The following MICAL2 variants were observed in gnomAD, a reference collection of about 807,000 sequenced individuals.
MICAL2 encodes the protein [F-actin]-monooxygenase MICAL2.
In MICAL2, 77 loss-of-function variants were observed where a neutral mutation model predicts 127.3. That is an observed-to-expected ratio of 0.60 (90% confidence interval 0.50 to 0.73). The LOEUF is 0.73. MICAL2 is among the 30% of genes least tolerant of loss of function. MICAL2 has a pLI of 0.00. For missense variants in MICAL2, 1,351 were observed against 1,434.4 expected, an observed-to-expected ratio of 0.94 and a Z score of 0.94; for synonymous variants, 570 against 551.1, an observed-to-expected ratio of 1.03 and a Z score of -0.48.
At chr11:12,352,171 T>C (rs999466962) in intron 33 of MICAL2, among the ~76,000 whole-genome samples, 5 of 152,250 alleles carry the variant, frequency 3.3e-5, no homozygotes, top group Admixed American at 3.3e-4. Flanking sequence ...TACAAAGCCC[T>C]TTTTATATAG....
downstream of MICAL2, among the ~76,000 whole-genome samples, chr11:12,295,341 C>T (rs1343779257): frequency 6.6e-6 from 1 of 150,860 alleles, no homozygotes. Context: ...GGTTTTACCA[C>T]ATTGGCCAGG....
At chr11:12,163,259 C>T (rs1054750781) in intron 3 of MICAL2, among the ~76,000 whole-genome samples, 4 of 152,212 alleles carry the variant, frequency 2.6e-5, no homozygotes, top group African/African-American at 9.6e-5. Flanking sequence ...GGCGTCTCAG[C>T]TGACTTCCCT....
intron 26 of MICAL2, 128 bp downstream of exon 26, chr11:12,260,025 C>T: frequency 6.5e-7 from 1 of 1,547,574 alleles, no homozygotes; most frequent in East Asian, 2.4e-5. Flanking sequence ...CTTACAACTA[C>T]TGCTACATGT....
chr11:12,126,201 C>T (rs112176999), intron 1 of MICAL2, among the ~76,000 whole-genome samples: 58 of 152,328 alleles, frequency 3.8e-4, no homozygotes, highest in African/African-American at 1.4e-3. Flanking sequence ...GTGCTCAAAG[C>T]GTGCACCTGA....
chr11:12,201,429 A>T (rs1263692760), intron 3 of MICAL2, among the ~76,000 whole-genome samples: 1 of 150,972 alleles, frequency 6.6e-6, no homozygotes, highest in African/African-American at 2.4e-5. Flanking sequence ...GTTTGATCTC[A>T]AGCAGAAGGG....
chr11:12,261,907 A>G, intron 26 of MICAL2: 1 of 986,160 alleles, frequency 1.0e-6, no homozygotes, highest in Non-Finnish European at 1.2e-6. Flanking sequence ...TAGAAAGTAA[A>G]TTTTTGAGGT....
At chr11:12,311,056 G>T (rs527300734) in intron 29 of MICAL2, among the ~76,000 whole-genome samples, 1 of 152,016 alleles carries the variant, frequency 6.6e-6, no homozygotes, top group South Asian at 2.1e-4. Context: ...AATTTACTAA[G>T]TTTATCAGTT....
chr11:12,304,220 T>A (rs1218336261), intron 29 of MICAL2, among the ~76,000 whole-genome samples: 1 of 152,236 alleles, frequency 6.6e-6, no homozygotes, highest in African/African-American at 2.4e-5. Flanking sequence ...TTATTTTTCC[T>A]TTCACAGTCA....
chr11:12,226,425 C>T, intron 14 of MICAL2, 55 bp downstream of exon 14: 1 of 1,560,324 alleles, frequency 6.4e-7, no homozygotes, highest in South Asian at 1.1e-5. Flanking sequence ...CTGTCCCTGT[C>T]TCTGAGTCTG....
At chr11:12,217,551 G>A (rs372976253) in intron 8 of MICAL2, among the ~76,000 whole-genome samples, 9 of 152,236 alleles carry the variant, frequency 5.9e-5, no homozygotes, top group South Asian at 2.1e-4. Flanking sequence ...TGAAGTTGCC[G>A]CCTTAGTCTG....
intron 32 of MICAL2, among the ~76,000 whole-genome samples, chr11:12,344,610 C>T (rs1329847552): frequency 6.7e-6 from 1 of 149,532 alleles, no homozygotes; most frequent in Non-Finnish European, 1.5e-5. Context: ...AAGCGATTCT[C>T]CTGTCTCAGC....
At position 12,358,169 on chromosome 11, in the gene MICAL2, A is replaced by G. The variant is rs540036798; in HGVS notation, c.5690-126A>G. On this transcript the variant is annotated intron_variant, in intron 34 of 34. Transcript: ENST00000646065. ...AGGGCGGTTCCTTGGTGTTAAATTC[A>G]TTTCCTTGTTTTCTCCATTAAAATT... 6.3e-5 allele frequency: 60 copies of G among 947,206 alleles called. No individual in the cohort carries two copies. In the African/African-American group the frequency reaches 8.4e-4, roughly 13 times the overall value. 58.7% of individuals were successfully genotyped at this position (947,206 alleles called of 1,614,324 possible).
chr11:12,264,586 T>C (rs1433992865), downstream of MICAL2, among the ~76,000 whole-genome samples: 1 of 152,116 alleles, frequency 6.6e-6, no homozygotes, highest in Non-Finnish European at 1.5e-5. Flanking sequence ...CTGACAGTGG[T>C]ATGAAAAGTC....
intron 6 of MICAL2, among the ~76,000 whole-genome samples, chr11:12,211,584 C>T (rs1203042551): frequency 1.3e-5 from 2 of 152,264 alleles, no homozygotes; most frequent in African/African-American, 2.4e-5. Flanking sequence ...CACAGCATGC[C>T]TGGGGGCAGG....
At chr11:12,353,237 CA>C (rs1939080569) in intron 33 of MICAL2, among the ~76,000 whole-genome samples, 1 of 152,144 alleles carries the variant, frequency 6.6e-6, no homozygotes. Context: ...GAGGAGGCCC[CA>C]CCAGGTCAAA....
chr11:12,349,400 G>A (rs953096669), intron 32 of MICAL2, among the ~76,000 whole-genome samples: 23 of 152,160 alleles, frequency 1.5e-4, no homozygotes, highest in African/African-American at 4.8e-4. Context: ...CCCCATGGAA[G>A]GAGCCACACA....
intron 21 of MICAL2, among the ~76,000 whole-genome samples, chr11:12,247,140 C>A (rs955182259): frequency 1.3e-5 from 2 of 152,082 alleles, no homozygotes; most frequent in African/African-American, 4.8e-5. Flanking sequence ...CAGGCCAGTG[C>A]TCTCCTGTGT....
At chr11:12,131,667 C>G (rs1262016139) in intron 1 of MICAL2, among the ~76,000 whole-genome samples, 1 of 152,198 alleles carries the variant, frequency 6.6e-6, no homozygotes, top group Non-Finnish European at 1.5e-5. Flanking sequence ...CTCACCCTCT[C>G]TGCTTCCTGA....
chr11:12,219,914 C>T (rs1409962099), intron 8 of MICAL2, among the ~76,000 whole-genome samples: 3 of 152,204 alleles, frequency 2.0e-5, no homozygotes, highest in African/African-American at 7.2e-5. Context: ...TGAGGAATTT[C>T]TACGCTTCCT....
Sources: gnomAD v4.1 joint callset for allele counts (sites outside exome capture counted in the v4.1 genomes callset) on GRCh38, gnomAD v4.1.1 for gene constraint, MANE v1.5 for transcripts, NCBI Gene and HGNC (gene_info 2026-07-23, HGNC 2026-07-21) for gene names.